AQP7B: variants seen among roughly 807,000 people sequenced by gnomAD.
AQP7B encodes the protein aquaporin 7B, also known as putative aquaporin-7B.
the AQP7B span, among the ~76,000 whole-genome samples, chr2:94,592,613 A>G: frequency 6.6e-6 from 1 of 151,972 alleles, no homozygotes; most frequent in Non-Finnish European, 1.5e-5. Flanking sequence ...GGCAGGGGAG[A>G]GGTAGACAGA....
the AQP7B span, among the ~76,000 whole-genome samples, chr2:94,598,736 A>G: frequency 0.011 from 1,724 of 152,352 alleles, 38 homozygotes; most frequent in African/African-American, 0.039. Flanking sequence ...AATTACGTGC[A>G]TGAGTTGCCA....
At chr2:94,597,623 TTTG>T in the AQP7B span, among the ~76,000 whole-genome samples, 50 of 151,084 alleles carry the variant, frequency 3.3e-4, no homozygotes, top group African/African-American at 1.2e-3. Flanking sequence ...TTTTTTTTTT[TTTG>T]TTTTTTTTTT....
the AQP7B span, chr2:94,603,839 G>A: frequency 1.4e-6 from 2 of 1,460,848 alleles, no homozygotes; most frequent in East Asian, 2.3e-5. Context: ...GTGTCCCATG[G>A]CATAAACACA....
At chr2:94,595,738 G>A in the AQP7B span, among the ~76,000 whole-genome samples, 10 of 152,250 alleles carry the variant, frequency 6.6e-5, no homozygotes, top group Non-Finnish European at 1.2e-4. Context: ...AGATGGAATC[G>A]GGGAGACTCT....
chr2:94,589,884 C>T, the AQP7B span, among the ~76,000 whole-genome samples: 1 of 152,148 alleles, frequency 6.6e-6, no homozygotes, highest in African/African-American at 2.4e-5. Context: ...TCCCTCTCCC[C>T]CATGCCTCAC....
chr2:94,603,506 G>C, the AQP7B span: 1 of 1,607,222 alleles, frequency 6.2e-7, no homozygotes, highest in South Asian at 1.1e-5. Context: ...AATGAGGTCA[G>C]TGGTCCAGGA....
the AQP7B span, among the ~76,000 whole-genome samples, chr2:94,589,758 TG>T: frequency 6.6e-6 from 1 of 151,958 alleles, no homozygotes; most frequent in Non-Finnish European, 1.5e-5. Flanking sequence ...AGCTCCTAGA[TG>T]GAAACAGCCT....
chr2:94,592,234 G>T, the AQP7B span, among the ~76,000 whole-genome samples: 1 of 152,132 alleles, frequency 6.6e-6, no homozygotes, highest in Non-Finnish European at 1.5e-5. Flanking sequence ...CTGCTAGGGA[G>T]AGCAGCAGCA....
chr2:94,604,506 T>C, the AQP7B span: 6 of 1,610,652 alleles, frequency 3.7e-6, no homozygotes, highest in East Asian at 2.2e-5. Context: ...TCCGTGAGCC[T>C]TGCCAACAGA....
At chr2:94,602,960 C>G in the AQP7B span, 11 of 1,442,474 alleles carry the variant, frequency 7.6e-6, no homozygotes, top group South Asian at 1.3e-4. Context: ...ACACACTAGC[C>G]ATCGTTGTTC....
the AQP7B span, among the ~76,000 whole-genome samples, chr2:94,589,905 C>T: frequency 0.012 from 1,871 of 152,214 alleles, 121 homozygotes; most frequent in Admixed American, 0.11. Flanking sequence ...ATCCAGTCAC[C>T]AATCTCCTAA....
chr2:94,596,036 C>G, the AQP7B span, among the ~76,000 whole-genome samples: 1 of 152,158 alleles, frequency 6.6e-6, no homozygotes, highest in South Asian at 2.1e-4. Flanking sequence ...TGAGAAGGAA[C>G]GGTCAGAGAG....
the AQP7B span, chr2:94,602,639 G>C: frequency 6.4e-7 from 1 of 1,567,388 alleles, no homozygotes; most frequent in African/African-American, 1.4e-5. Context: ...GGGCCTACCA[G>C]ACTGGGCAAG....
chr2:94,604,337 G>T, the AQP7B span: 48 of 1,610,624 alleles, frequency 3.0e-5, 1 homozygote, highest in South Asian at 2.5e-4. Context: ...ACTTCTGGGT[G>T]CCTCTCTAGG....
the AQP7B span, among the ~76,000 whole-genome samples, chr2:94,598,396 A>T: frequency 1.3e-5 from 2 of 151,970 alleles, no homozygotes; most frequent in African/African-American, 2.4e-5. Context: ...GGAGAGTTGG[A>T]TGGGCTGGGC....
the AQP7B span, chr2:94,602,685 T>C: frequency 6.9e-7 from 1 of 1,449,338 alleles, no homozygotes; most frequent in South Asian, 1.2e-5. Flanking sequence ...CCTGCCCACC[T>C]CAGCCAGCTC....
At chr2:94,590,887 G>A in the AQP7B span, among the ~76,000 whole-genome samples, 2 of 141,358 alleles carry the variant, frequency 1.4e-5, no homozygotes, top group Non-Finnish European at 3.1e-5. Flanking sequence ...CTAGGCTTCA[G>A]TGAGCTTTGA....
chr2:94,603,999 G>T, the AQP7B span: 19 of 941,672 alleles, frequency 2.0e-5, no homozygotes, highest in Admixed American at 1.5e-4. Flanking sequence ...GGGGTGGGGG[G>T]TGATGTGAGG....
At chr2:94,588,994 T>C in the AQP7B span, among the ~76,000 whole-genome samples, 7 of 149,654 alleles carry the variant, frequency 4.7e-5, no homozygotes, top group Admixed American at 4.0e-4. Flanking sequence ...TTTTTTTTTT[T>C]TTTTTTGAGA....
Sources: allele counts gnomAD v4.1 joint callset (sites outside exome capture counted in the v4.1 genomes callset), GRCh38; gene constraint gnomAD v4.1.1; transcripts MANE v1.5; gene names NCBI Gene and HGNC (gene_info 2026-07-23, HGNC 2026-07-21).